The following CALN1 variants were observed in gnomAD, a reference collection of about 807,000 sequenced individuals.
The protein encoded by CALN1 is calcium-binding protein 8.
CALN1 carries 17 observed loss-of-function variants against 30.6 expected under a neutral mutation model. The observed-to-expected ratio is 0.56, with a 90% CI of 0.38 to 0.83. The LOEUF is 0.83. CALN1 is among the 40% of genes least tolerant of loss of function. CALN1 has a pLI of 0.00. For missense variants in CALN1, 291 were observed against 354.9 expected (o/e 0.82, Z 1.45); for synonymous variants, 156 against 131.4 (o/e 1.19, Z -1.28).
At chr7:71,996,937 A>C (rs1259860484) in intron 5 of CALN1, among the ~76,000 whole-genome samples, 2 of 152,184 alleles carry the variant, frequency 1.3e-5, no homozygotes, top group African/African-American at 2.4e-5. Context: ...GAGTTATAAA[A>C]AAGAACCAGC....
At chr7:72,148,215 G>A (rs1786922624) in intron 3 of CALN1, among the ~76,000 whole-genome samples, 1 of 150,202 alleles carries the variant, frequency 6.7e-6, no homozygotes, top group African/African-American at 2.4e-5. Context: ...GATCGTGAAT[G>A]GATTGGTGCC....
intron 3 of CALN1, among the ~76,000 whole-genome samples, chr7:72,268,099 T>G (rs775436950): frequency 6.6e-6 from 1 of 152,210 alleles, no homozygotes; most frequent in African/African-American, 2.4e-5. Context: ...TAAAACACTT[T>G]GAACAGTGCC....
chr7:72,342,422 A>G (rs1777285852), intron 2 of CALN1, among the ~76,000 whole-genome samples: 1 of 152,178 alleles, frequency 6.6e-6, no homozygotes, highest in Non-Finnish European at 1.5e-5. Flanking sequence ...TTTATTCAAT[A>G]TATGTGGTCA....
intron 5 of CALN1, among the ~76,000 whole-genome samples, chr7:71,875,624 G>A (rs927532887): frequency 1.3e-5 from 2 of 152,186 alleles, no homozygotes; most frequent in African/African-American, 4.8e-5. Context: ...ACATGCCCCA[G>A]ATCCTCTGCT....
chr7:71,871,058 A>G (rs1791895628), intron 5 of CALN1, among the ~76,000 whole-genome samples: 1 of 152,180 alleles, frequency 6.6e-6, no homozygotes, highest in African/African-American at 2.4e-5. Context: ...AAAAAGAAAA[A>G]AGAAAAAAAG....
intron 2 of CALN1, among the ~76,000 whole-genome samples, chr7:72,311,256 A>G (rs933753641): frequency 6.6e-6 from 1 of 152,156 alleles, no homozygotes; most frequent in Non-Finnish European, 1.5e-5. Context: ...TTTACTAATA[A>G]CATTTTATTT....
At chr7:72,029,932 C>G (rs145896446) in intron 4 of CALN1, among the ~76,000 whole-genome samples, 1 of 152,198 alleles carries the variant, frequency 6.6e-6, no homozygotes, top group African/African-American at 2.4e-5. Flanking sequence ...CAGGTGGCCA[C>G]GTGGACTTTG....
intron 4 of CALN1, among the ~76,000 whole-genome samples, chr7:72,046,188 C>T (rs1313076397): frequency 6.6e-6 from 1 of 151,756 alleles, no homozygotes; most frequent in East Asian, 2.0e-4. Flanking sequence ...GGGTACATGC[C>T]GACAGTCACA....
intron 5 of CALN1, among the ~76,000 whole-genome samples, chr7:71,876,093 A>G (rs1437846313): frequency 6.6e-6 from 1 of 152,186 alleles, no homozygotes; most frequent in African/African-American, 2.4e-5. Flanking sequence ...TAACAGGGAA[A>G]GAAAAAAAAA....
intron 3 of CALN1, among the ~76,000 whole-genome samples, chr7:72,234,153 T>C (rs1360160933): frequency 6.6e-6 from 1 of 152,220 alleles, no homozygotes; most frequent in Non-Finnish European, 1.5e-5. Context: ...TTCAATCTTT[T>C]ACCACAAAGA....
At chr7:72,363,054 G>A (rs747489231) in intron 2 of CALN1, among the ~76,000 whole-genome samples, 1 of 152,126 alleles carries the variant, frequency 6.6e-6, no homozygotes, top group South Asian at 2.1e-4. Context: ...TTAAGTTCAG[G>A]GGGTACATGT....
intron 5 of CALN1, among the ~76,000 whole-genome samples, chr7:71,861,999 C>T (rs1037953280): frequency 2.0e-5 from 3 of 152,122 alleles, no homozygotes; most frequent in Non-Finnish European, 1.5e-5. Context: ...AAGGTGCTAG[C>T]TTGTGAGCTG....
chr7:72,093,653 T>C lies in CALN1; in HGVS notation c.388+12498A>G, dbSNP rs139453983. 7.5e-3 allele frequency among the ~76,000 whole-genome samples: 1,147 copies of C among 152,324 alleles called. 15 individuals carry two copies. Among genetic ancestry groups the C allele is most frequent in the African/African-American group, 0.025 (1,055 of 41,582 alleles). ...TGACTACCAGGACTGCCAGCTGGGA[T>C]GGCTGCTTCTGAACACCCTTGTAAG... is the stretch of plus-strand genomic sequence containing the variant. On this transcript the variant is annotated intron_variant, in intron 4 of 6. Transcript: ENST00000395275.
chr7:72,447,039 T>C (rs927378129), intron 1 of CALN1: 1 of 152,176 alleles, frequency 6.6e-6, no homozygotes, highest in African/African-American at 2.4e-5. Flanking sequence ...GCAAGGGTCA[T>C]ACCTCCTGCT....
chr7:72,455,009 T>C, the CALN1 span, among the ~76,000 whole-genome samples: 1 of 152,084 alleles, frequency 6.6e-6, no homozygotes, highest in Non-Finnish European at 1.5e-5. Context: ...TTTTGTATTT[T>C]TGGTAGAGAC....
intron 5 of CALN1, among the ~76,000 whole-genome samples, chr7:71,840,484 TTAAA>T (rs1418757648): frequency 3.6e-5 from 3 of 84,184 alleles, no homozygotes; most frequent in African/African-American, 9.4e-5. Flanking sequence ...GATGCTCTCT[TTAAA>T]AAAAAAAAAA....
intron 1 of CALN1, among the ~76,000 whole-genome samples, chr7:72,442,254 C>T (rs1353879202): frequency 6.6e-6 from 1 of 152,226 alleles, no homozygotes; most frequent in African/African-American, 2.4e-5. Flanking sequence ...CTTTCCTCAA[C>T]ACAGCAGTGA....
the CALN1 span, among the ~76,000 whole-genome samples, chr7:72,501,928 A>AAAAAAAT: frequency 2.2e-4 from 13 of 57,940 alleles, 1 homozygote; most frequent in African/African-American, 8.9e-4. Flanking sequence ...AAAAAAAAAA[A>AAAAAAAT]ATATATATAT....
intron 5 of CALN1, among the ~76,000 whole-genome samples, chr7:72,009,667 T>C (rs1362723960): frequency 6.6e-6 from 1 of 152,192 alleles, no homozygotes; most frequent in Non-Finnish European, 1.5e-5. Context: ...GGGGAGATCA[T>C]TGAATCATAG....
Sources: allele counts gnomAD v4.1 joint callset (sites outside exome capture counted in the v4.1 genomes callset), GRCh38; gene constraint gnomAD v4.1.1; transcripts MANE v1.5; gene names NCBI Gene and HGNC (gene_info 2026-07-23, HGNC 2026-07-21).